Variants in TBC1D5 observed in about 807,000 individuals in gnomAD.
TBC1D5 encodes TBC1 domain family member 5.
A neutral mutation model predicts 100.3 loss-of-function variants in TBC1D5; 75 were observed. That is an observed-to-expected ratio of 0.75 (90% CI 0.62 to 0.91). The LOEUF (loss-of-function observed/expected upper bound fraction) is 0.91, where lower values mean the gene tolerates loss of function less well. TBC1D5 is among the 40% of genes least tolerant of loss of function. The pLI, the probability that TBC1D5 is intolerant of heterozygous loss-of-function variation, is 0.00. For synonymous variants in TBC1D5, 323 were observed against 325.6 expected (o/e 0.99, Z 0.09); for missense variants, 910 against 942.4 (o/e 0.97, Z 0.45).
In TBC1D5 at chr3:17,382,864, T is replaced by C. The variant is rs9828600; in HGVS notation, c.612+1049A>G. 1.5e-3 allele frequency among the ~76,000 whole-genome samples: 226 copies of C among 152,144 alleles called. 1 individual carries two copies. Among genetic ancestry groups the C allele is most frequent in the African/African-American group, 5.0e-3 (206 of 41,546 alleles). ...GGTGTAAGCCACTGCACCTGGCCTATAGTTTCCTTCATATAGCTTTTGTAT... is the reference window on the plus strand; with the variant it reads ...GGTGTAAGCCACTGCACCTGGCCTACAGTTTCCTTCATATAGCTTTTGTAT... On this transcript the variant is annotated intron_variant, in intron 9 of 21. Coordinates refer to ENST00000253692, the Ensembl canonical transcript of TBC1D5.
At chr3:17,291,441 T>A (rs1033872770) in intron 15 of TBC1D5, among the ~76,000 whole-genome samples, 2 of 152,218 alleles carry the variant, frequency 1.3e-5, no homozygotes, top group African/African-American at 2.4e-5. Flanking sequence ...ATACATATCA[T>A]AATATGAAAT....
intron 2 of TBC1D5, chr3:17,518,920 G>C (rs1483593191): frequency 1.3e-5 from 2 of 152,374 alleles, no homozygotes; most frequent in South Asian, 2.1e-4. Flanking sequence ...TCCCTCCCGT[G>C]AGGGGTGGAA....
intron 1 of TBC1D5, among the ~76,000 whole-genome samples, chr3:17,719,363 A>AAT (rs1444734119): frequency 3.3e-5 from 5 of 152,200 alleles, no homozygotes; most frequent in Non-Finnish European, 5.9e-5. Context: ...ACCTGTTAGC[A>AAT]TATTATTTAT....
chr3:17,641,659 G>T (rs1447596763), intron 1 of TBC1D5, among the ~76,000 whole-genome samples: 1 of 151,862 alleles, frequency 6.6e-6, no homozygotes, highest in African/African-American at 2.4e-5. Context: ...AATGTAATAA[G>T]GCCACCTATG....
At chr3:17,262,675 G>A (rs1260512018) in intron 15 of TBC1D5, among the ~76,000 whole-genome samples, 2 of 151,630 alleles carry the variant, frequency 1.3e-5, no homozygotes, top group Admixed American at 6.6e-5. Flanking sequence ...TAGAGATGAG[G>A]TTTCACCATG....
intron 3 of TBC1D5, among the ~76,000 whole-genome samples, chr3:17,475,081 T>C (rs999001814): frequency 1.3e-5 from 2 of 152,166 alleles, no homozygotes; most frequent in Admixed American, 1.3e-4. Flanking sequence ...ATTGTGTTCA[T>C]ATTCCTAACT....
intron 2 of TBC1D5, among the ~76,000 whole-genome samples, chr3:17,532,431 T>C (rs1371797395): frequency 2.0e-5 from 3 of 152,170 alleles, no homozygotes; most frequent in East Asian, 1.9e-4. Context: ...AGTGTGGCGA[T>C]TCCTCAGGGA....
At chr3:17,289,118 T>A (rs550143883) in intron 15 of TBC1D5, among the ~76,000 whole-genome samples, 82 of 152,356 alleles carry the variant, frequency 5.4e-4, no homozygotes, top group Middle Eastern at 3.4e-3. Context: ...TGGGAGTGGC[T>A]TGCAACACAC....
chr3:17,625,634 T>G (rs997676730), intron 1 of TBC1D5, among the ~76,000 whole-genome samples: 3 of 152,116 alleles, frequency 2.0e-5, no homozygotes, highest in African/African-American at 7.2e-5. Context: ...GTTTTTATAT[T>G]TGCAAATACA....
intron 4 of TBC1D5, among the ~76,000 whole-genome samples, chr3:17,411,997 T>G (rs987723820): frequency 6.6e-6 from 1 of 152,186 alleles, no homozygotes; most frequent in African/African-American, 2.4e-5. Flanking sequence ...GTTTCATCAA[T>G]AAACTGTAAC....
chr3:17,471,579 G>GTTGATATCCAGTACATGTAC (rs1553772830), intron 3 of TBC1D5, among the ~76,000 whole-genome samples: 1 of 140,628 alleles, frequency 7.1e-6, no homozygotes, highest in African/African-American at 3.0e-5. Flanking sequence ...AAATAGGCAG[G>GTTGATATCCAGTACATGTAC]AGAATGGCGT....
chr3:17,664,951 T>C (rs912433258), intron 1 of TBC1D5: 1 of 149,166 alleles, frequency 6.7e-6, no homozygotes, highest in African/African-American at 2.5e-5. Flanking sequence ...CTGGAACTTA[T>C]GTTACTGAAT....
intron 2 of TBC1D5, among the ~76,000 whole-genome samples, chr3:17,621,062 T>C (rs2062617770): frequency 1.3e-5 from 2 of 152,286 alleles, no homozygotes; most frequent in East Asian, 1.9e-4. Flanking sequence ...AGTAAATGTG[T>C]TGATACTGTT....
chr3:17,158,599 T>C (rs7610560), exon 22 of TBC1D5: 120,381 of 152,240 alleles, frequency 0.79, 48,562 homozygotes, highest in African/African-American at 0.94. Flanking sequence ...TCCAAGGAGG[T>C]GGTGAGCTTG....
In TBC1D5 at chr3:17,292,341, T is replaced by C. The variant is rs776572663; in HGVS notation, c.1139-340A>G. 2.5e-4 allele frequency among the ~76,000 whole-genome samples: 38 copies of C among 152,342 alleles called. 1 individual carries two copies. Among genetic ancestry groups the C allele is most frequent in the South Asian group, 2.1e-3 (10 of 4,824 alleles). On this transcript the variant is annotated intron_variant, in intron 14 of 21. Transcript: ENST00000253692. ...GTTTAAATGTCTCCTGTTTTTCTAC[T>C]TAGAAATTAGTAATAAAAGCCATAT...
chr3:17,275,972 T>C (rs1295776777), intron 15 of TBC1D5, among the ~76,000 whole-genome samples: 1 of 152,222 alleles, frequency 6.6e-6, no homozygotes, highest in African/African-American at 2.4e-5. Context: ...TGTTGGTATA[T>C]GGAGTTAAGT....
intron 3 of TBC1D5, among the ~76,000 whole-genome samples, chr3:17,467,884 T>C (rs1360722872): frequency 6.6e-6 from 1 of 151,244 alleles, no homozygotes; most frequent in Non-Finnish European, 1.5e-5. Context: ...GAAACGGGAG[T>C]TCCCTAGTTA....
chr3:17,216,484 A>G (rs939263526), intron 17 of TBC1D5, among the ~76,000 whole-genome samples: 1 of 152,036 alleles, frequency 6.6e-6, no homozygotes, highest in African/African-American at 2.4e-5. Flanking sequence ...CTGTACTTCT[A>G]TCAGGGTCTG....
intron 13 of TBC1D5, among the ~76,000 whole-genome samples, chr3:17,358,842 C>G (rs1223279891): frequency 2.0e-5 from 3 of 151,552 alleles, no homozygotes; most frequent in Admixed American, 1.3e-4. Context: ...TAATAAGAAC[C>G]TTTGGAGATG....
Sources: allele counts gnomAD v4.1 joint callset (sites outside exome capture counted in the v4.1 genomes callset), GRCh38; gene constraint gnomAD v4.1.1; transcripts MANE v1.5; gene names NCBI Gene and HGNC (gene_info 2026-07-23, HGNC 2026-07-21).